RALGAPA1: variants seen among roughly 807,000 people sequenced by gnomAD.
RALGAPA1 encodes the protein Ral GTPase activating protein catalytic subunit alpha 1, also known as ral GTPase-activating protein subunit alpha-1.
RALGAPA1 carries 52 observed loss-of-function variants against 269.6 expected under a neutral mutation model. That is an observed-to-expected ratio of 0.19 (90% CI 0.15 to 0.24). The LOEUF (loss-of-function observed/expected upper bound fraction) is 0.24, where lower values mean the gene tolerates loss of function less well. Among genes scored for constraint, RALGAPA1 ranks in the 10% least tolerant of loss-of-function variants. The probability of loss-of-function intolerance (pLI) is 1.00; values close to 1 mark genes in which losing one functional copy is unlikely to be tolerated. For missense variants in RALGAPA1, 1,917 were observed against 3,013.9 expected (o/e 0.64, Z 8.52); for synonymous variants, 817 against 1,008.3 (o/e 0.81, Z 3.60).
At position 35,683,794 on chromosome 14, in the gene RALGAPA1, C is replaced by A; in HGVS notation, c.4471+15G>T. The A allele has an allele frequency of 6.4e-7, 1 of 1,558,592 alleles. No individual in the cohort carries two copies. ...AAAATACATTTAAGAAACACATTCC[C>A]ATGAATAACTTTACCAGTAATAGTT... On this transcript the variant is annotated intron_variant, in intron 21 of 41. Transcript: ENST00000680220.
chr14:35,709,712 A>G (rs1302480479), intron 16 of RALGAPA1, among the ~76,000 whole-genome samples: 1 of 152,050 alleles, frequency 6.6e-6, no homozygotes, highest in Non-Finnish European at 1.5e-5. Flanking sequence ...TCCTCTAAGC[A>G]CAGCTTTCAC....
intron 16 of RALGAPA1, among the ~76,000 whole-genome samples, chr14:35,709,260 G>A (rs952667189): frequency 6.6e-6 from 1 of 152,048 alleles, no homozygotes; most frequent in Non-Finnish European, 1.5e-5. Flanking sequence ...ATAAATGTTT[G>A]AGGTAATGAA....
rs576981530 is a variant in RALGAPA1 at position 35,758,697 on chromosome 14, C to A, written c.548-1789G>T. ...AAGGCTACAGTGCATTATGATCGCA[C>A]CTGTGAATAGCCACTGCACTCTAAT... On this transcript the variant is annotated intron_variant, in intron 6 of 41. Coordinates refer to ENST00000680220, the MANE Select transcript of RALGAPA1 (RefSeq NM_001346249.2). Among the ~76,000 whole-genome samples the A allele has an allele frequency of 1.8e-4, 27 of 152,044 alleles. No individual in the cohort carries two copies. In the South Asian group the frequency reaches 5.4e-3, roughly 30 times the overall value.
At chr14:35,594,052 T>C (rs975836691) in intron 37 of RALGAPA1, among the ~76,000 whole-genome samples, 1 of 152,064 alleles carries the variant, frequency 6.6e-6, no homozygotes, top group Non-Finnish European at 1.5e-5. Context: ...CTCTTCAACA[T>C]GGTCTTGGGA....
intron 27 of RALGAPA1, among the ~76,000 whole-genome samples, chr14:35,660,469 C>T (rs149813915): frequency 2.6e-5 from 4 of 151,890 alleles, no homozygotes; most frequent in South Asian, 2.1e-4. Flanking sequence ...GACCTGTACG[C>T]GGAAAACTAT....
chr14:35,691,414 T>C (rs1410846769), intron 17 of RALGAPA1, among the ~76,000 whole-genome samples: 1 of 152,134 alleles, frequency 6.6e-6, no homozygotes, highest in Non-Finnish European at 1.5e-5. Context: ...CAAAATATAA[T>C]GAAGAAAGGA....
At chr14:35,802,267 C>T (rs1224352804) in intron 1 of RALGAPA1, among the ~76,000 whole-genome samples, 1 of 152,126 alleles carries the variant, frequency 6.6e-6, no homozygotes, top group Admixed American at 6.5e-5. Context: ...GAGATCATGC[C>T]ACTGCACTCC....
chr14:35,620,250 T>C (rs1158603828), intron 35 of RALGAPA1, among the ~76,000 whole-genome samples: 2 of 152,050 alleles, frequency 1.3e-5, no homozygotes, highest in Non-Finnish European at 2.9e-5. Context: ...ACAGAACCAA[T>C]GACAAAAACC....
chr14:35,623,308 ATCTC>A (rs370268551), intron 35 of RALGAPA1, among the ~76,000 whole-genome samples: 8 of 150,888 alleles, frequency 5.3e-5, no homozygotes, highest in South Asian at 2.1e-4. Context: ...ACGAAAGTTA[ATCTC>A]TCTCTCTCTC....
chr14:35,620,632 TCTC>T (rs963375780), intron 35 of RALGAPA1, among the ~76,000 whole-genome samples: 2 of 152,084 alleles, frequency 1.3e-5, no homozygotes, highest in Admixed American at 6.5e-5. Context: ...CAGCCCAAAA[TCTC>T]CTTAAGCTGA....
chr14:35,668,629 CA>C (rs778107700), intron 26 of RALGAPA1, among the ~76,000 whole-genome samples: 4 of 152,070 alleles, frequency 2.6e-5, no homozygotes, highest in Non-Finnish European at 5.9e-5. Flanking sequence ...CCTGTTTCTA[CA>C]AAAAGTTAAA....
intron 1 of RALGAPA1, among the ~76,000 whole-genome samples, chr14:35,787,698 C>A (rs528415994): frequency 6.6e-6 from 1 of 151,482 alleles, no homozygotes; most frequent in Admixed American, 6.6e-5. Context: ...ACCTCAGTCA[C>A]CCAAGTAACT....
At chr14:35,677,219 T>C (rs1470614900) in intron 22 of RALGAPA1, 1 of 152,344 alleles carries the variant, frequency 6.6e-6, no homozygotes, top group African/African-American at 2.4e-5. Flanking sequence ...TTAGAAGTTA[T>C]ATAGTTTTAA....
chr14:35,782,283 C>T (rs1286912833), intron 1 of RALGAPA1, among the ~76,000 whole-genome samples: 1 of 152,090 alleles, frequency 6.6e-6, no homozygotes, highest in African/African-American at 2.4e-5. Flanking sequence ...AAGACTTGTA[C>T]ACTGGAAACT....
chr14:35,729,576 C>T (rs10147261), intron 12 of RALGAPA1, among the ~76,000 whole-genome samples: 18,367 of 152,020 alleles, frequency 0.12, 1,171 homozygotes, highest in South Asian at 0.14. Flanking sequence ...ACAAATGGAG[C>T]TACGTTCCTG....
intron 13 of RALGAPA1, among the ~76,000 whole-genome samples, 181 bp from the exon 14 acceptor site, chr14:35,725,334 T>G (rs911069439): frequency 1.3e-5 from 2 of 152,198 alleles, no homozygotes; most frequent in Non-Finnish European, 2.9e-5. Context: ...TGTATCTACA[T>G]CAATCATTTA....
chr14:35,654,932 C>T (rs2063077094), intron 29 of RALGAPA1, among the ~76,000 whole-genome samples: 1 of 152,158 alleles, frequency 6.6e-6, no homozygotes, highest in African/African-American at 2.4e-5. Flanking sequence ...CTTCAAACCC[C>T]AATGTGTCTC....
rs1491566464 is a variant in RALGAPA1, at chr14:35,751,812, C to CA, written c.802+211dup. Among the ~76,000 whole-genome samples the CA allele has an allele frequency of 2.3e-3, 331 of 140,982 alleles. 2 individuals are homozygous for CA. Among genetic ancestry groups the CA allele is most frequent in the African/African-American group, 5.0e-3 (192 of 38,284 alleles). The allele number at this position is 140,982 out of a possible 152,430, so 92.5% of individuals were successfully genotyped here. A position where few individuals can be genotyped will look rare whatever the true frequency, so the allele number is the denominator to read the frequency against. ...AAAAAAACAACAACAACAACAACAACAAAAAAAAACAAAAAAAGAAAAACT... is the reference window on the plus strand; with the variant it reads ...AAAAAAACAACAACAACAACAACAACAAAAAAAAAACAAAAAAAGAAAAACT... On this transcript the variant is annotated intron_variant, in intron 8 of 41. Transcript: ENST00000680220.
chr14:35,802,660 T>C (rs1403510838), intron 1 of RALGAPA1, among the ~76,000 whole-genome samples: 1 of 146,610 alleles, frequency 6.8e-6, no homozygotes, highest in African/African-American at 2.5e-5. Flanking sequence ...TTGGTGGTGG[T>C]GGGTTTTTTT....
Sources: gnomAD v4.1 joint callset for allele counts (sites outside exome capture counted in the v4.1 genomes callset) on GRCh38, gnomAD v4.1.1 for gene constraint, MANE v1.5 for transcripts, NCBI Gene and HGNC (gene_info 2026-07-23, HGNC 2026-07-21) for gene names.